The following CAMK2A variants were observed in gnomAD, a reference collection of about 807,000 sequenced individuals.
CAMK2A encodes the protein calcium/calmodulin-dependent protein kinase type II subunit alpha.
CAMK2A carries 7 observed loss-of-function variants against 79.2 expected under a neutral mutation model. That is an observed-to-expected ratio of 0.09 (90% CI 0.05 to 0.17). The LOEUF is 0.17. CAMK2A is among the 10% of genes least tolerant of loss of function. CAMK2A has a pLI of 1.00. For synonymous variants in CAMK2A, 242 were observed against 251.7 expected, an observed-to-expected ratio of 0.96 and a Z score of 0.36; for missense variants, 214 against 646.4, an observed-to-expected ratio of 0.33 and a Z score of 7.25.
rs764230609 is a variant in CAMK2A at position 150,289,603 on chromosome 5, C to T, written c.23G>A (p.Arg8His). 3.7e-6 allele frequency: 6 copies of T among 1,614,024 alleles called. No homozygotes were observed. The highest frequency in any genetic ancestry group is 4.2e-6 in the Non-Finnish European group (5 of 1,179,920). Residue 8 changes from arginine (R) to histidine (H), a missense_variant, in exon 1 of 19, where the codon CGC becomes CAC. Arg to His is a conservative substitution (Grantham distance 29). Around this residue, in one of 4 missense-constraint regions of CAMK2A, gnomAD observed 72 missense variants for 333.9 expected, o/e 0.22. Transcript: ENST00000671881. Reference sequence around the variant, plus strand: ...GAAGAGCTGGTACTCTTCCGTGAAGCGGGTGCAGGTGATGGTGGCCATCCT... The same window carrying T: ...GAAGAGCTGGTACTCTTCCGTGAAGTGGGTGCAGGTGATGGTGGCCATCCT... MATITCTRFTEEYQLFEE... is the reference protein window; with the variant it reads MATITCTHFTEEYQLFEE...
At chr5:150,254,023 G>T (rs575223532) in intron 6 of CAMK2A, among the ~76,000 whole-genome samples, 8 of 152,276 alleles carry the variant, frequency 5.3e-5, no homozygotes, top group Admixed American at 4.6e-4. Flanking sequence ...AGTCCATCTT[G>T]TTTCCACCTC....
At chr5:150,275,545 G>A (rs1756911668) in intron 1 of CAMK2A, among the ~76,000 whole-genome samples, 2 of 152,092 alleles carry the variant, frequency 1.3e-5, no homozygotes, top group African/African-American at 4.8e-5. Flanking sequence ...GGGTCCTCAG[G>A]TTACCCACAA....
chr5:150,276,633 C>A (rs1756958577), intron 1 of CAMK2A, among the ~76,000 whole-genome samples: 1 of 152,150 alleles, frequency 6.6e-6, no homozygotes, highest in South Asian at 2.1e-4. Context: ...AAAGTGGCCA[C>A]ATCTGGGCAA....
At chr5:150,253,895 C>A (rs1755944095) in intron 6 of CAMK2A, among the ~76,000 whole-genome samples, 1 of 152,228 alleles carries the variant, frequency 6.6e-6, no homozygotes, top group Admixed American at 6.5e-5. Flanking sequence ...TGTGCCCCTA[C>A]TATATGTCAG....
At chr5:150,250,453 G>T in intron 10 of CAMK2A, 144 bp from the exon 11 acceptor site, 1 of 824,160 alleles carries the variant, frequency 1.2e-6, no homozygotes, top group East Asian at 2.6e-5. Context: ...AGATGCTTCA[G>T]GGTGTTTAGC....
At chr5:150,276,683 G>A (rs1363543250) in intron 1 of CAMK2A, among the ~76,000 whole-genome samples, 5 of 152,208 alleles carry the variant, frequency 3.3e-5, no homozygotes, top group African/African-American at 1.2e-4. Flanking sequence ...AGGAAGCAGG[G>A]AAGGTTGTGA....
intron 13 of CAMK2A, among the ~76,000 whole-genome samples, chr5:150,240,985 C>T (rs1265222763): frequency 6.6e-6 from 1 of 152,232 alleles, no homozygotes; most frequent in African/African-American, 2.4e-5. Flanking sequence ...TTTCTGACTC[C>T]AAGATCCAGT....
chr5:150,264,441 C>G (rs1756421192), intron 3 of CAMK2A, among the ~76,000 whole-genome samples: 1 of 152,232 alleles, frequency 6.6e-6, no homozygotes, highest in Non-Finnish European at 1.5e-5. Flanking sequence ...CAGAGCCCAT[C>G]CCCACGGGTT....
chr5:150,266,282 A>G (rs985148772), intron 2 of CAMK2A, among the ~76,000 whole-genome samples: 1 of 152,172 alleles, frequency 6.6e-6, no homozygotes, highest in African/African-American at 2.4e-5. Context: ...CGTGCCCCCA[A>G]GCAATCCTGG....
At chr5:150,236,598 T>C (rs1755070155) in intron 15 of CAMK2A, among the ~76,000 whole-genome samples, 1 of 152,188 alleles carries the variant, frequency 6.6e-6, no homozygotes, top group Non-Finnish European at 1.5e-5. Flanking sequence ...AGAGCCAGAT[T>C]ACCTCCACGG....
At chr5:150,250,144 G>T (rs1755769251) in intron 11 of CAMK2A, 82 bp downstream of exon 11, 2 of 975,660 alleles carry the variant, frequency 2.0e-6, no homozygotes, top group African/African-American at 3.2e-5. Flanking sequence ...GAAAGAATTA[G>T]TGAGCGAGTC....
chr5:150,263,588 C>T lies in CAMK2A; in HGVS notation c.217+1368G>A, dbSNP rs190692319. 3.7e-4 allele frequency among the ~76,000 whole-genome samples: 56 copies of T among 152,004 alleles called. 2 individuals are homozygous for T. The East Asian group carries it at 0.01, about 28-fold the overall frequency. On this transcript the variant is annotated intron_variant, in intron 3 of 18. Transcript: ENST00000671881. The stretch of plus-strand genomic sequence containing the variant: ...ACATACACACACACATACATGCATA[C>T]ACATACACTCACACGCACACATTCG...
chr5:150,233,300 C>T (rs1754922248), intron 15 of CAMK2A, among the ~76,000 whole-genome samples: 1 of 152,124 alleles, frequency 6.6e-6, no homozygotes, highest in Admixed American at 6.5e-5. Flanking sequence ...GAGCTGGGAC[C>T]CTAATCAGAG....
intron 13 of CAMK2A, among the ~76,000 whole-genome samples, chr5:150,241,820 C>T (rs937905177): frequency 1.3e-5 from 2 of 151,212 alleles, no homozygotes; most frequent in Non-Finnish European, 3.0e-5. Flanking sequence ...CCTTCTTCCC[C>T]TCTTTCCTCC....
chr5:150,225,693 G>C (rs1023723279), intron 17 of CAMK2A, among the ~76,000 whole-genome samples: 1 of 152,076 alleles, frequency 6.6e-6, no homozygotes, highest in African/African-American at 2.4e-5. Context: ...GGGTGATAGG[G>C]ACATATGGGG....
intron 1 of CAMK2A, among the ~76,000 whole-genome samples, chr5:150,279,102 G>A (rs921773502): frequency 2.0e-5 from 3 of 152,110 alleles, no homozygotes; most frequent in South Asian, 2.1e-4. Flanking sequence ...TTCAGCTCTC[G>A]TGTTTCATAC....
chr5:150,260,238 C>T (rs1020713232), intron 3 of CAMK2A, among the ~76,000 whole-genome samples: 3 of 151,952 alleles, frequency 2.0e-5, no homozygotes, highest in South Asian at 2.1e-4. Flanking sequence ...GGGTGGAACA[C>T]GAGGTCAGGA....
intron 17 of CAMK2A, among the ~76,000 whole-genome samples, chr5:150,226,870 C>CT (rs1468081461): frequency 6.7e-6 from 1 of 149,508 alleles, no homozygotes; most frequent in Non-Finnish European, 1.5e-5. Flanking sequence ...GTGGTGCGAT[C>CT]TTGGCTCACT....
upstream of CAMK2A, chr5:150,289,855 C>T (rs1319723364): frequency 3.7e-6 from 2 of 543,760 alleles, no homozygotes; most frequent in Non-Finnish European, 6.6e-6. Context: ...CCAAAACGCC[C>T]TGTTCCCGTT....
Sources: allele counts gnomAD v4.1 joint callset (sites outside exome capture counted in the v4.1 genomes callset), GRCh38; gene constraint gnomAD v4.1.1; regional missense constraint gnomAD v4.1.1; transcripts MANE v1.5; gene names NCBI Gene and HGNC (gene_info 2026-07-23, HGNC 2026-07-21).